ZFAND2A: variants seen among roughly 807,000 people sequenced by gnomAD.
ZFAND2A encodes AN1-type zinc finger protein 2A.
Under a neutral mutation model 11.6 loss-of-function variants are expected in ZFAND2A, and 20 were observed. The observed-to-expected ratio is 1.72, with a 90% CI of 1.21 to 2.50. The LOEUF (loss-of-function observed/expected upper bound fraction) is 2.50. ZFAND2A is among the 30% of genes most tolerant of loss of function. The pLI is 0.00. For synonymous variants in ZFAND2A, 93 were observed against 60.6 expected, an observed-to-expected ratio of 1.54 and a Z score of -2.48; for missense variants, 234 against 182.9, an observed-to-expected ratio of 1.28 and a Z score of -1.61.
chr7:1,158,049 A>G (rs2128258874), intron 2 of ZFAND2A, 109 bp downstream of exon 2: 2 of 1,131,428 alleles, frequency 1.8e-6, no homozygotes, highest in African/African-American at 3.1e-5. Context: ...ACAGTTCCCA[A>G]TACTGAGGAG....
At chr7:1,151,355 G>A (rs111615059), downstream of ZFAND2A, among the ~76,000 whole-genome samples, 3,489 of 151,046 alleles carry the variant, frequency 0.023, 52 homozygotes, top group Non-Finnish European at 0.029. Flanking sequence ...AAGAACCCTC[G>A]GCCAGGCAGG....
chr7:1,150,155 TAAAA>T (rs149409812), downstream of ZFAND2A, among the ~76,000 whole-genome samples: 89 of 149,068 alleles, frequency 6.0e-4, 1 homozygote, highest in African/African-American at 1.8e-3. Context: ...TTTGTCAGAT[TAAAA>T]AAAAAAGATA....
downstream of ZFAND2A, chr7:1,152,852 C>T (rs1793426568): frequency 1.3e-6 from 1 of 749,296 alleles, no homozygotes; most frequent in African/African-American, 1.7e-5. Context: ...TGGTTTGAGC[C>T]ACCCAGTTTT....
At chr7:1,154,518 T>G (rs1046513598) in intron 4 of ZFAND2A, among the ~76,000 whole-genome samples, 2 of 152,046 alleles carry the variant, frequency 1.3e-5, no homozygotes, top group African/African-American at 4.8e-5. Context: ...GAAGCGGGTG[T>G]GCCAGAGAGC....
downstream of ZFAND2A, among the ~76,000 whole-genome samples, chr7:1,151,338 G>A (rs1055696605): frequency 7.2e-5 from 11 of 152,008 alleles, no homozygotes; most frequent in Non-Finnish European, 1.0e-4. Context: ...TGTGGCCGCC[G>A]CTGGACAAGA....
intron 1 of ZFAND2A, 80 bp from the exon 2 acceptor site, chr7:1,158,337 T>C (rs1584030916): frequency 1.2e-5 from 11 of 880,052 alleles, no homozygotes; most frequent in Non-Finnish European, 1.8e-5. Context: ...TTACAGCTAA[T>C]GAAAGTCAAC....
intron 1 of ZFAND2A, among the ~76,000 whole-genome samples, chr7:1,159,588 A>G (rs4311583): frequency 0.054 from 1,612 of 29,584 alleles, 25 homozygotes; most frequent in South Asian, 0.068. Flanking sequence ...CAACAGCCAG[A>G]CCCCGGCAGG....
At chr7:1,155,685 G>A in intron 3 of ZFAND2A, 101 bp from the exon 4 acceptor site, 6 of 1,477,230 alleles carry the variant, frequency 4.1e-6, no homozygotes, top group Admixed American at 4.2e-5. Flanking sequence ...AACACAAAGA[G>A]AGGACAAAAA....
At chr7:1,151,102 G>C (rs1292874548), downstream of ZFAND2A, among the ~76,000 whole-genome samples, 1 of 152,024 alleles carries the variant, frequency 6.6e-6, no homozygotes, top group Middle Eastern at 3.2e-3. Flanking sequence ...TGACCAGGCT[G>C]GTCTCAAACT....
intron 1 of ZFAND2A, 62 bp downstream of exon 1, chr7:1,159,902 A>G (rs1472209937): frequency 6.9e-5 from 12 of 173,348 alleles, no homozygotes; most frequent in Non-Finnish European, 1.4e-4. Context: ...CCCCCGAGCA[A>G]CCTGACCTCA....
downstream of ZFAND2A, among the ~76,000 whole-genome samples, chr7:1,148,925 C>T (rs572984363): frequency 4.7e-5 from 7 of 149,408 alleles, no homozygotes; most frequent in Non-Finnish European, 1.0e-4. Context: ...CTTGACGTCT[C>T]CTGAGTAACT....
intron 3 of ZFAND2A, 81 bp from the exon 4 acceptor site, chr7:1,155,665 G>C: frequency 6.5e-7 from 1 of 1,535,844 alleles, no homozygotes; most frequent in Non-Finnish European, 8.8e-7. Flanking sequence ...ACTCCTGTGC[G>C]GCACACTTAA....
downstream of ZFAND2A, among the ~76,000 whole-genome samples, chr7:1,149,584 C>A (rs1793360801): frequency 6.6e-6 from 1 of 152,214 alleles, no homozygotes; most frequent in East Asian, 1.9e-4. Flanking sequence ...ATGTGCACGG[C>A]CAGGTGATTG....
chr7:1,151,294 C>T (rs541204574), downstream of ZFAND2A, among the ~76,000 whole-genome samples: 9 of 152,274 alleles, frequency 5.9e-5, no homozygotes, highest in Non-Finnish European at 1.2e-4. Flanking sequence ...GGAACGGGCA[C>T]GCAGCTGTGC....
chr7:1,155,658 C>A lies in ZFAND2A; in HGVS notation c.151-74G>T, dbSNP rs777515683. On this transcript the variant is annotated intron_variant, in intron 3 of 4. Transcript: ENST00000316495. Reference sequence around the variant, plus strand: ...CTCACAGAAGTTTTAAACGAGTACTCCTGTGCGGCACACTTAAACACAAAG... The same window carrying A: ...CTCACAGAAGTTTTAAACGAGTACTACTGTGCGGCACACTTAAACACAAAG... The A allele has an allele frequency of 3.0e-5, 45 of 1,518,188 alleles. No homozygotes were observed. In the South Asian group the frequency reaches 5.0e-4, roughly 17 times the overall value. 94.0% of individuals were successfully genotyped at this position (1,518,188 alleles called of 1,614,324 possible).
intron 4 of ZFAND2A, among the ~76,000 whole-genome samples, chr7:1,153,617 T>G (rs1793452158): frequency 6.6e-6 from 1 of 152,212 alleles, no homozygotes; most frequent in African/African-American, 2.4e-5. Context: ...AGAGTACAGA[T>G]GCAAAGTTTC....
chr7:1,157,482 C>T, intron 3 of ZFAND2A, 174 bp downstream of exon 3: 1 of 578,306 alleles, frequency 1.7e-6, no homozygotes, highest in Non-Finnish European at 3.0e-6. Flanking sequence ...AGACACGCTC[C>T]TCTGTACTGC....
chr7:1,152,154 G>A (rs1463525040), downstream of ZFAND2A: 10 of 1,425,230 alleles, frequency 7.0e-6, no homozygotes, highest in Middle Eastern at 1.9e-4. Context: ...GGAGCATCGC[G>A]TCACACTGTG....
intron 1 of ZFAND2A, among the ~76,000 whole-genome samples, chr7:1,159,437 C>A (rs111900873): frequency 0.024 from 3,625 of 151,966 alleles, 54 homozygotes; most frequent in Non-Finnish European, 0.03. Context: ...CAGGCCCGGC[C>A]CCCAGCAGAC....
Sources: allele counts gnomAD v4.1 joint callset (sites outside exome capture counted in the v4.1 genomes callset), GRCh38; gene constraint gnomAD v4.1.1; transcripts MANE v1.5; gene names NCBI Gene and HGNC (gene_info 2026-07-23, HGNC 2026-07-21).